The following EBF1 variants were observed in gnomAD, a reference collection of about 807,000 sequenced individuals.
EBF1 encodes transcription factor COE1.
EBF1 carries 10 observed loss-of-function variants against 68.4 expected under a neutral mutation model. The ratio of observed to expected loss-of-function variants is 0.15; its 90% CI spans 0.09 to 0.25. The LOEUF is 0.25. Among genes scored for constraint, EBF1 ranks in the 10% least tolerant of loss-of-function variants. The probability of loss-of-function intolerance (pLI) is 1.00; values close to 1 mark genes in which losing one functional copy is unlikely to be tolerated. For missense variants in EBF1, 509 were observed against 794.4 expected (o/e 0.64, Z 4.32); for synonymous variants, 298 against 299.8 (o/e 0.99, Z 0.06).
chr5:159,038,001 G>T (rs941210878), intron 6 of EBF1, among the ~76,000 whole-genome samples: 5 of 152,134 alleles, frequency 3.3e-5, no homozygotes, highest in African/African-American at 7.2e-5. Flanking sequence ...GTGCCAGAGT[G>T]GCAAGAGAGG....
chr5:159,068,371 GTGGA>G (rs71851703), intron 6 of EBF1, among the ~76,000 whole-genome samples: 118,207 of 149,812 alleles, frequency 0.79, 47,548 homozygotes, highest in African/African-American at 0.87. Context: ...ATGTGGGTGG[GTGGA>G]TGGATGGATG....
chr5:158,716,112 TA>T (rs1200277662), intron 11 of EBF1, among the ~76,000 whole-genome samples: 1 of 152,198 alleles, frequency 6.6e-6, no homozygotes, highest in African/African-American at 2.4e-5. Flanking sequence ...TACCTTATTT[TA>T]ATTAATTTCA....
At chr5:158,723,210 G>A (rs1762300521) in intron 11 of EBF1, among the ~76,000 whole-genome samples, 1 of 152,170 alleles carries the variant, frequency 6.6e-6, no homozygotes, top group African/African-American at 2.4e-5. Flanking sequence ...GCTAACCTCA[G>A]GTCTAGGCCA....
rs572020300 is a variant in EBF1 at position 158,871,983 on chromosome 5, G to A, written c.555-31873C>T. On this transcript the variant is annotated intron_variant, in intron 6 of 15. Transcript: ENST00000313708. Reference sequence around the variant, plus strand: ...TACCACAGCAGGTGCAGAGCACTTGGTGGAATTGCAGCCATGGCTTTTCTA... The same window carrying A: ...TACCACAGCAGGTGCAGAGCACTTGATGGAATTGCAGCCATGGCTTTTCTA... Among the ~76,000 whole-genome samples, 7 of 152,330 alleles carry A rather than the reference G, an allele frequency of 4.6e-5. No homozygotes were observed. The East Asian group carries it at 1.2e-3, about 25-fold the overall frequency.
intron 7 of EBF1, among the ~76,000 whole-genome samples, chr5:158,824,807 A>C (rs77692696): frequency 1.3e-5 from 2 of 152,368 alleles, no homozygotes; most frequent in East Asian, 3.9e-4. Context: ...CATACTTAAA[A>C]GTTCCACTGT....
At chr5:159,040,055 C>T (rs1015477404) in intron 6 of EBF1, among the ~76,000 whole-genome samples, 1 of 152,178 alleles carries the variant, frequency 6.6e-6, no homozygotes, top group Non-Finnish European at 1.5e-5. Flanking sequence ...CTTAAAGACT[C>T]CACAAACACA....
At chr5:158,988,240 C>T (rs1407443710) in intron 6 of EBF1, among the ~76,000 whole-genome samples, 1 of 152,210 alleles carries the variant, frequency 6.6e-6, no homozygotes, top group African/African-American at 2.4e-5. Flanking sequence ...GCCCCCCCTT[C>T]TCTTCGTAAT....
At chr5:159,029,417 G>C (rs112257732) in intron 6 of EBF1, among the ~76,000 whole-genome samples, 1 of 152,110 alleles carries the variant, frequency 6.6e-6, no homozygotes, top group Non-Finnish European at 1.5e-5. Context: ...TTATCCCAAG[G>C]CTTTCAAAGT....
chr5:158,751,035 T>A lies in EBF1; in HGVS notation c.1037-19878A>T, dbSNP rs530042743. The stretch of plus-strand genomic sequence containing the variant: ...GCGTGGGAAAATGCTTATTAGGCTA[T>A]GTGAAAAAAACAGGATATAAAACTG... On this transcript the variant is annotated intron_variant, in intron 10 of 15. Coordinates refer to ENST00000313708, the MANE Select transcript of EBF1 (RefSeq NM_024007.5). Among the ~76,000 whole-genome samples the A allele has an allele frequency of 3.0e-3, 463 of 152,210 alleles. 1 individual carries two copies. The highest frequency in any genetic ancestry group is 4.6e-3 in the Non-Finnish European group (310 of 67,966).
In EBF1 at chr5:158,708,141, T is replaced by TGGA; in HGVS notation, c.1579_1581dup (p.Ser527dup). On this transcript the variant is annotated inframe_insertion, in exon 15 of 16. Coordinates refer to ENST00000313708, the MANE Select transcript of EBF1 (RefSeq NM_024007.5). ...CTGCTGCAGTTGGAGGGGAGGCTTGTGGAGGAGGCCATGGTGGGGCTGGAT... is the reference window on the plus strand; with the variant it reads ...CTGCTGCAGTTGGAGGGGAGGCTTGTGGAGGAGGAGGCCATGGTGGGGCTGGAT... 1 of 1,588,302 alleles carries TGGA rather than the reference T, an allele frequency of 6.3e-7. No individual in the cohort carries two copies. Among genetic ancestry groups the TGGA allele is most frequent in the Non-Finnish European group, 8.6e-7 (1 of 1,166,954 alleles).
intron 6 of EBF1, among the ~76,000 whole-genome samples, chr5:158,968,980 A>T (rs1754749549): frequency 6.6e-6 from 1 of 152,178 alleles, no homozygotes; most frequent in African/African-American, 2.4e-5. Context: ...CCTAGCCTGG[A>T]TACCACTGAA....
intron 6 of EBF1, among the ~76,000 whole-genome samples, chr5:158,901,736 T>A (rs1194756293): frequency 6.6e-6 from 1 of 152,180 alleles, no homozygotes; most frequent in African/African-American, 2.4e-5. Flanking sequence ...AAGGGAGGTA[T>A]AGAGAATGCA....
intron 6 of EBF1, among the ~76,000 whole-genome samples, chr5:158,987,581 A>G (rs1263560077): frequency 6.6e-6 from 1 of 152,194 alleles, no homozygotes; most frequent in African/African-American, 2.4e-5. Flanking sequence ...AAATTCACAC[A>G]GACATAGGCT....
chr5:159,054,625 C>T (rs185486543), intron 6 of EBF1, among the ~76,000 whole-genome samples: 178 of 152,294 alleles, frequency 1.2e-3, no homozygotes, highest in African/African-American at 4.2e-3. Flanking sequence ...AGATGCTCAG[C>T]ATTATTTGCC....
intron 6 of EBF1, chr5:158,941,163 T>C (rs1813281458): frequency 2.2e-6 from 1 of 455,718 alleles, no homozygotes; most frequent in African/African-American, 2.0e-5. Flanking sequence ...CTGTAAACCA[T>C]TCACGCACCT....
chr5:158,949,292 G>A (rs926614331), intron 6 of EBF1, among the ~76,000 whole-genome samples: 7 of 151,956 alleles, frequency 4.6e-5, no homozygotes, highest in Non-Finnish European at 5.9e-5. Flanking sequence ...TTTCCACATC[G>A]TGATGGCATA....
intron 6 of EBF1, among the ~76,000 whole-genome samples, chr5:159,064,768 C>G (rs1776470424): frequency 2.0e-5 from 3 of 152,020 alleles, no homozygotes; most frequent in African/African-American, 7.3e-5. Context: ...AGGAAAACAA[C>G]AAGACTGTGT....
intron 8 of EBF1, among the ~76,000 whole-genome samples, chr5:158,806,228 G>A (rs1206057632): frequency 6.6e-6 from 1 of 152,110 alleles, no homozygotes; most frequent in Non-Finnish European, 1.5e-5. Flanking sequence ...TGACTACCAG[G>A]CACGGTGGAG....
chr5:158,737,616 C>T (rs1765499046), intron 10 of EBF1, among the ~76,000 whole-genome samples: 1 of 152,084 alleles, frequency 6.6e-6, no homozygotes, highest in Admixed American at 6.6e-5. Context: ...CTTCAGGTCT[C>T]TTGATGTGTG....
Sources: gnomAD v4.1 joint callset for allele counts (sites outside exome capture counted in the v4.1 genomes callset) on GRCh38, gnomAD v4.1.1 for gene constraint, MANE v1.5 for transcripts, NCBI Gene and HGNC (gene_info 2026-07-23, HGNC 2026-07-21) for gene names.